RBFOX2: variants seen among roughly 807,000 people sequenced by gnomAD.
The protein encoded by RBFOX2 is RNA binding fox-1 homolog 2.
Under a neutral mutation model 49.1 loss-of-function variants are expected in RBFOX2, and 10 were observed. That is an observed-to-expected ratio of 0.20 (90% confidence interval 0.13 to 0.35). The LOEUF (loss-of-function observed/expected upper bound fraction) is 0.35, where lower values mean the gene tolerates loss of function less well. Among genes scored for constraint, RBFOX2 ranks in the 10% least tolerant of loss-of-function variants. The pLI, the probability that RBFOX2 is intolerant of heterozygous loss-of-function variation, is 1.00. For missense variants in RBFOX2, 323 were observed against 486.9 expected (o/e 0.66, Z 3.17); for synonymous variants, 183 against 187.4 (o/e 0.98, Z 0.19).
rs538440271 is a variant in RBFOX2 at position 36,002,384 on chromosome 22, T to A, written c.186+25856A>T. On this transcript the variant is annotated intron_variant, in intron 1 of 13. Coordinates refer to the RBFOX2 transcript ENST00000438146. ...GACATGTTTAAACAAATCATGATTT[T>A]AAAAAAAACAAACAAAAAAACTTAC... Among the ~76,000 whole-genome samples, 53 of 151,992 alleles carry A rather than the reference T, an allele frequency of 3.5e-4. 1 individual carries two copies. In the East Asian group the frequency reaches 4.6e-3, roughly 13 times the overall value.
intron 9 of RBFOX2, chr22:35,750,547 G>T (rs1452880584): frequency 1.1e-6 from 1 of 888,370 alleles, no homozygotes; most frequent in African/African-American, 1.7e-5. Context: ...ACGGCTTTTT[G>T]GAACTCTGAT....
At chr22:35,826,995 A>C (rs914529811) in intron 1 of RBFOX2, among the ~76,000 whole-genome samples, 1 of 152,228 alleles carries the variant, frequency 6.6e-6, no homozygotes, top group African/African-American at 2.4e-5. Context: ...TACTTAGATA[A>C]GCTTTTGGTC....
rs1457364414 is a variant in RBFOX2, at chr22:35,897,192, C to A, written c.-34+41655G>T. ...TGTGTACAGGATTCTCTAAAGAGAC[C>A]ACCTGGCTGGGTGCTCAAACCACAC... On this transcript the variant is annotated intron_variant, in intron 1 of 13. Transcript: ENST00000359369. 4.0e-6 allele frequency: 3 copies of A among 744,296 alleles called. No individual in the cohort carries two copies. In the African/African-American group the frequency reaches 5.2e-5, roughly 13 times the overall value. The allele number at this position is 744,296 out of a possible 1,614,324, so 46.1% of individuals were successfully genotyped here.
rs1934439689 is a variant in RBFOX2 at position 35,750,369 on chromosome 22, A to G, written c.888-3808T>C. On this transcript the variant is annotated intron_variant, in intron 9 of 11. Transcript: ENST00000405409. ...TTAACCATGCACTGATGCAAAACTGAAGCAACCATTAATAATAAAAATTAA... is the reference window on the plus strand; with the variant it reads ...TTAACCATGCACTGATGCAAAACTGGAGCAACCATTAATAATAAAAATTAA... The G allele has an allele frequency of 1.1e-5, 15 of 1,367,504 alleles. No individual in the cohort carries two copies. The South Asian group carries it at 1.9e-4, about 17-fold the overall frequency. The allele number at this position is 1,367,504 out of a possible 1,614,324, so 84.7% of individuals were successfully genotyped here. A position where few individuals can be genotyped will look rare whatever the true frequency, so the allele number is the denominator to read the frequency against.
upstream of RBFOX2, among the ~76,000 whole-genome samples, chr22:35,966,386 G>A (rs757664632): frequency 7.9e-5 from 12 of 152,138 alleles, no homozygotes; most frequent in Admixed American, 2.6e-4. Context: ...GTACACTTAC[G>A]TTGAGCTTTG....
At chr22:35,822,902 G>T in intron 1 of RBFOX2, 1 of 373,252 alleles carries the variant, frequency 2.7e-6, no homozygotes. Context: ...CTAGCTCACT[G>T]CAACTTCCAC....
chr22:35,840,637 T>TGC (rs1476243853), upstream of RBFOX2: 3 of 1,028,056 alleles, frequency 2.9e-6, no homozygotes, highest in South Asian at 7.7e-5. Flanking sequence ...TGTGCGTGTG[T>TGC]GTGTGTGTGT....
intron 1 of RBFOX2, among the ~76,000 whole-genome samples, chr22:35,817,821 C>A (rs556214728): frequency 5.4e-4 from 82 of 152,166 alleles, no homozygotes; most frequent in Admixed American, 9.2e-4. Context: ...TTTTAAAAAA[C>A]CAGGCAATAC....
chr22:35,963,622 C>T (rs1053393588), upstream of RBFOX2, among the ~76,000 whole-genome samples: 2 of 152,102 alleles, frequency 1.3e-5, no homozygotes, highest in Non-Finnish European at 1.5e-5. Context: ...AAACAAAGCT[C>T]CATTTATCTA....
At chr22:35,804,603 T>C (rs937700028) in intron 2 of RBFOX2, among the ~76,000 whole-genome samples, 6 of 151,978 alleles carry the variant, frequency 3.9e-5, no homozygotes, top group Non-Finnish European at 7.4e-5. Flanking sequence ...TGGGATGACA[T>C]ATTTAAAGGG....
intron 1 of RBFOX2, among the ~76,000 whole-genome samples, chr22:35,951,501 T>C (rs1351259864): frequency 6.6e-6 from 1 of 152,134 alleles, no homozygotes. Context: ...TGCCTTGGCC[T>C]CCCAAAGTGC....
chr22:35,903,928 C>T (rs563473434), intron 1 of RBFOX2, among the ~76,000 whole-genome samples: 21 of 145,662 alleles, frequency 1.4e-4, no homozygotes, highest in African/African-American at 5.0e-4. Context: ...CCTACTTCCA[C>T]GGCATCACAT....
intron 1 of RBFOX2, among the ~76,000 whole-genome samples, chr22:35,861,598 A>C (rs995855079): frequency 6.6e-6 from 1 of 152,204 alleles, no homozygotes; most frequent in African/African-American, 2.4e-5. Flanking sequence ...TATTAGTATG[A>C]TATCACTACA....
chr22:35,769,609 T>C (rs78016169), intron 4 of RBFOX2, among the ~76,000 whole-genome samples: 4,108 of 152,254 alleles, frequency 0.027, 63 homozygotes, highest in Middle Eastern at 0.088. Context: ...TACAAAGTCT[T>C]CATTTGCCAA....
rs568963979 is a variant in RBFOX2, at chr22:35,914,753, AG to A, written c.-34+24093del. 1.7e-3 allele frequency among the ~76,000 whole-genome samples: 257 copies of A among 152,278 alleles called. 1 individual carries two copies. The highest frequency in any genetic ancestry group is 6.0e-3 in the African/African-American group (251 of 41,544). ...AAAGGGGTGGGGAAGAGGAAAAGGG[AG>A]AAGAATGTCACCCGATCCCCGGGGG... On this transcript the variant is annotated intron_variant, in intron 1 of 13. Coordinates refer to the RBFOX2 transcript ENST00000359369.
chr22:35,947,672 T>C (rs199510306), intron 1 of RBFOX2, among the ~76,000 whole-genome samples: 1 of 34,144 alleles, frequency 2.9e-5, no homozygotes, highest in Admixed American at 3.6e-4. Context: ...GTTTAAAAAG[T>C]AAAAAAAAAA....
Position 35,759,948 on chromosome 22 carries a change from C to T in RBFOX2, c.827G>A (p.Gly276Glu). 4.3e-6 allele frequency: 7 copies of T among 1,613,866 alleles called. No individual in the cohort carries two copies. Among genetic ancestry groups the T allele is most frequent in the Non-Finnish European group, 5.9e-6 (7 of 1,180,038 alleles). ...TCGGACTGCACCATATACTGTCCGCCCTCTGCCCCTCAAATGGGCTCCTCT... is the reference window on the plus strand; with the variant it reads ...TCGGACTGCACCATATACTGTCCGCTCTCTGCCCCTCAAATGGGCTCCTCT... Residue 276 changes from glycine to glutamate, a missense_variant, in exon 9 of 12, where the codon GGG becomes GAG. Around this residue, in one of 2 missense-constraint regions of RBFOX2, gnomAD observed 200 missense variants for 370.0 expected, o/e 0.54. Coordinates refer to ENST00000405409, the Ensembl canonical transcript of RBFOX2. This position sits in a 1 kb window ranked among gnomAD's most constrained non-coding sequence, Gnocchi z 4.6.
At chr22:36,006,682 C>T (rs1334400628) in intron 1 of RBFOX2, among the ~76,000 whole-genome samples, 1 of 152,162 alleles carries the variant, frequency 6.6e-6, no homozygotes, top group Non-Finnish European at 1.5e-5. Flanking sequence ...GCCCTCCACC[C>T]CAACCTCACT....
chr22:35,941,420 G>A (rs1356014963), upstream of RBFOX2, among the ~76,000 whole-genome samples: 1 of 152,058 alleles, frequency 6.6e-6, no homozygotes, highest in Non-Finnish European at 1.5e-5. Flanking sequence ...CCTATCACTG[G>A]GGAAACTAAC....
Sources: allele counts gnomAD v4.1 joint callset (sites outside exome capture counted in the v4.1 genomes callset), GRCh38; gene constraint gnomAD v4.1.1; regional missense constraint gnomAD v4.1.1; non-coding constraint Gnocchi (gnomAD v3.1); transcripts MANE v1.5; gene names NCBI Gene and HGNC (gene_info 2026-07-23, HGNC 2026-07-21).